The following MTCL1 variants were observed in gnomAD, a reference collection of about 807,000 sequenced individuals.
MTCL1 encodes microtubule crosslinking factor 1, also known as microtubule cross-linking factor 1.
Under a neutral mutation model 141.4 loss-of-function variants are expected in MTCL1, and 79 were observed. The ratio of observed to expected loss-of-function variants is 0.56; its 90% confidence interval spans 0.47 to 0.67. The LOEUF is 0.67. MTCL1 is among the 30% of genes least tolerant of loss of function. The pLI, the probability that MTCL1 is intolerant of heterozygous loss-of-function variation, is 0.00. For synonymous variants in MTCL1, 914 were observed against 875.8 expected, an observed-to-expected ratio of 1.04 and a Z score of -0.77; for missense variants, 2,177 against 2,113.9, an observed-to-expected ratio of 1.03 and a Z score of -0.59.
At chr18:8,796,815 T>C (rs549510379) in intron 9 of MTCL1, among the ~76,000 whole-genome samples, 155 of 152,346 alleles carry the variant, frequency 1.0e-3, no homozygotes, top group African/African-American at 3.5e-3. Context: ...ACCTGCATGA[T>C]GTTCATGAGT....
chr18:8,802,086 T>C (rs939683384), intron 10 of MTCL1: 3 of 152,252 alleles, frequency 2.0e-5, no homozygotes, highest in South Asian at 2.1e-4. Flanking sequence ...TTTATAAAAA[T>C]GCTGCTGGCT....
In MTCL1 at chr18:8,784,863, C is replaced by G; in HGVS notation, c.1731+20C>G. 1.3e-6 allele frequency: 2 copies of G among 1,551,884 alleles called. No homozygotes were observed. The highest frequency in any genetic ancestry group is 1.9e-5 in the Admixed American group (1 of 54,028). On this transcript the variant is annotated intron_variant, in intron 6 of 16. Coordinates refer to ENST00000359865, the Ensembl canonical transcript of MTCL1. ...TTGCAGGTAAGGGGGCTCGTGGCTT[C>G]GCCTCCCTGCTCCGCCTTGCTCTTC...
chr18:8,763,239 A>G (rs2096442206), intron 4 of MTCL1, among the ~76,000 whole-genome samples: 1 of 152,268 alleles, frequency 6.6e-6, no homozygotes, highest in Admixed American at 6.5e-5. Context: ...GTTAGAAATC[A>G]AGGAAGAGGA....
intron 4 of MTCL1, among the ~76,000 whole-genome samples, chr18:8,726,538 T>A (rs572873767): frequency 1.3e-5 from 1 of 75,406 alleles, no homozygotes; most frequent in African/African-American, 5.7e-5. Context: ...CGAGTGCGCA[T>A]GCGCGCGCGC....
intron 1 of MTCL1, chr18:8,707,332 G>A (rs1266828216): frequency 6.6e-6 from 1 of 152,404 alleles, no homozygotes; most frequent in African/African-American, 2.4e-5. Context: ...ACGGTGTTGC[G>A]CGGGCCAGTC....
chr18:8,795,303 A>T (rs1039723504), intron 8 of MTCL1, among the ~76,000 whole-genome samples: 1 of 152,206 alleles, frequency 6.6e-6, no homozygotes, highest in Non-Finnish European at 1.5e-5. Context: ...GGTTTTTGGC[A>T]TAAGAGAGAG....
At chr18:8,783,701 G>A (rs1171136238) in exon 6 of MTCL1, 1 of 1,609,028 alleles carries the variant, frequency 6.2e-7, no homozygotes, top group South Asian at 1.1e-5. Context: ...GGGGGAAGCA[G>A]GCGGGCCCCC....
At chr18:8,732,115 T>G (rs2096253635) in intron 4 of MTCL1, among the ~76,000 whole-genome samples, 1 of 152,180 alleles carries the variant, frequency 6.6e-6, no homozygotes. Context: ...ATCTTCATTT[T>G]TTTTGAGACA....
chr18:8,742,542 A>C (rs2096310255), intron 4 of MTCL1, among the ~76,000 whole-genome samples: 1 of 152,198 alleles, frequency 6.6e-6, no homozygotes. Flanking sequence ...AGATCTCCTG[A>C]GAACTCACTC....
intron 5 of MTCL1, among the ~76,000 whole-genome samples, chr18:8,783,078 G>T (rs1262584817): frequency 6.6e-6 from 1 of 152,180 alleles, no homozygotes; most frequent in African/African-American, 2.4e-5. Flanking sequence ...AGTGCAGCAG[G>T]GTGGAACCCT....
chr18:8,793,581 A>C (rs2075812682), intron 8 of MTCL1, among the ~76,000 whole-genome samples: 1 of 152,210 alleles, frequency 6.6e-6, no homozygotes, highest in Non-Finnish European at 1.5e-5. Context: ...ATAACCTGGT[A>C]CTGGCTAATT....
chr18:8,807,991 A>G (rs1248203459), intron 11 of MTCL1, among the ~76,000 whole-genome samples: 1 of 150,324 alleles, frequency 6.7e-6, no homozygotes, highest in East Asian at 2.0e-4. Flanking sequence ...AAAGATGAAA[A>G]AGACTTGATG....
chr18:8,712,461 C>T (rs374636412), upstream of MTCL1, among the ~76,000 whole-genome samples: 1 of 152,202 alleles, frequency 6.6e-6, no homozygotes, highest in African/African-American at 2.4e-5. Context: ...TGGAGGGGCA[C>T]TTGGAGAGGA....
Position 8,829,024 on chromosome 18 carries a change from G to T in MTCL1, c.*18+60G>T. 2.5e-6 allele frequency: 4 copies of T among 1,613,188 alleles called. No individual in the cohort carries two copies. In the Admixed American group the frequency reaches 6.7e-5, roughly 27 times the overall value. On this transcript the variant is annotated intron_variant, in intron 16 of 16. Transcript: ENST00000359865. ...GAGAGGTCGTGTTGTGTAACTCGCA[G>T]TTGGCACCTGACGCTCATCACCTGA...
rs143995226 is a variant in MTCL1, at chr18:8,829,510, ATT to A, written c.*18+548_*18+549del. ...GTGACAGAGTAAATGCTCAATAAAT[ATT>A]TGTTGAATGAATAAACAACAAAATC... is the stretch of plus-strand genomic sequence containing the variant. On this transcript the variant is annotated intron_variant, in intron 16 of 16. Transcript: ENST00000359865. The A allele has an allele frequency of 9.8e-5, 93 of 951,970 alleles. No individual in the cohort carries two copies. The East Asian group carries it at 0.01, about 103-fold the overall frequency. The allele number at this position is 951,970 out of a possible 1,614,324, so 59.0% of individuals were successfully genotyped here. A position where few individuals can be genotyped will look rare whatever the true frequency, so the allele number is the denominator to read the frequency against.
intron 8 of MTCL1, among the ~76,000 whole-genome samples, chr18:8,794,493 G>A (rs1418373678): frequency 2.0e-5 from 3 of 152,180 alleles, no homozygotes; most frequent in Non-Finnish European, 2.9e-5. Flanking sequence ...GCCTAGGCGC[G>A]GTGCTGCTGA....
intron 4 of MTCL1, among the ~76,000 whole-genome samples, chr18:8,749,793 C>G (rs533410720): frequency 2.0e-5 from 3 of 152,144 alleles, no homozygotes; most frequent in African/African-American, 7.2e-5. Flanking sequence ...TCCTTGGCAA[C>G]TATGGGACTT....
Position 8,825,967 on chromosome 18 carries a change from G to A in MTCL1, c.4457G>A (p.Gly1486Asp), listed in dbSNP as rs2077010716. 2 of 1,597,766 alleles carry A rather than the reference G, an allele frequency of 1.3e-6. No individual in the cohort carries two copies. The highest frequency in any genetic ancestry group is 2.7e-5 in the African/African-American group (2 of 74,592). ...GAGCTGGGCCCAGGCCAGGAAACAG[G>A]CACCAATTCCCGAGGAAGGTCGCCT... is the stretch of plus-strand genomic sequence containing the variant. Residue 1486 changes from glycine (G) to aspartate (D), a missense_variant, in exon 15 of 17, where the codon GGC becomes GAC. Gly to Asp is a moderately conservative substitution (Grantham distance 94). Transcript: ENST00000359865.
chr18:8,754,559 A>G (rs2096387743), intron 4 of MTCL1, among the ~76,000 whole-genome samples: 1 of 152,200 alleles, frequency 6.6e-6, no homozygotes, highest in Non-Finnish European at 1.5e-5. Context: ...AGTGCCTGGT[A>G]ATGAGATACC....
Sources: gnomAD v4.1 joint callset for allele counts (sites outside exome capture counted in the v4.1 genomes callset) on GRCh38, gnomAD v4.1.1 for gene constraint, MANE v1.5 for transcripts, NCBI Gene and HGNC (gene_info 2026-07-23, HGNC 2026-07-21) for gene names.